Variants in MAML2 observed in about 807,000 individuals in gnomAD.
MAML2 encodes the protein mastermind like transcriptional coactivator 2.
A neutral mutation model predicts 96.1 loss-of-function variants in MAML2; 22 were observed. The ratio of observed to expected loss-of-function variants is 0.23; its 90% confidence interval spans 0.16 to 0.33. MAML2 has a LOEUF of 0.33. Ranked by LOEUF, MAML2 falls within the 10% of genes least tolerant of loss-of-function variation. The pLI, the probability that MAML2 is intolerant of heterozygous loss-of-function variation, is 1.00. For synonymous variants in MAML2, 561 were observed against 521.3 expected (o/e 1.08, Z -1.04); for missense variants, 1,367 against 1,392.4 (o/e 0.98, Z 0.29).
chr11:96,130,182 T>C (rs1402727917), intron 1 of MAML2, among the ~76,000 whole-genome samples: 2 of 152,248 alleles, frequency 1.3e-5, no homozygotes, highest in Admixed American at 1.3e-4. Context: ...TGTTTGGCAC[T>C]TGGACTCCAA....
At chr11:96,020,477 G>A (rs1287363908) in intron 2 of MAML2, among the ~76,000 whole-genome samples, 1 of 152,178 alleles carries the variant, frequency 6.6e-6, no homozygotes, top group Non-Finnish European at 1.5e-5. Flanking sequence ...AAACTTTAAT[G>A]TGCATATGAA....
intron 1 of MAML2, among the ~76,000 whole-genome samples, chr11:96,280,437 T>C (rs530784226): frequency 6.6e-6 from 1 of 152,152 alleles, no homozygotes; most frequent in Non-Finnish European, 1.5e-5. Flanking sequence ...TCTCCTGATC[T>C]GTACAATGTC....
chr11:96,144,999 C>T (rs1218664645), intron 1 of MAML2, among the ~76,000 whole-genome samples: 2 of 152,072 alleles, frequency 1.3e-5, no homozygotes, highest in African/African-American at 2.4e-5. Flanking sequence ...CTTTGTGATC[C>T]ATTAATAATA....
At chr11:96,238,921 T>C (rs1006255649) in intron 1 of MAML2, among the ~76,000 whole-genome samples, 1 of 152,122 alleles carries the variant, frequency 6.6e-6, no homozygotes, top group Non-Finnish European at 1.5e-5. Flanking sequence ...GTTTCAGAAG[T>C]CTGTGGAGAA....
intron 1 of MAML2, among the ~76,000 whole-genome samples, chr11:96,162,558 G>A (rs1229192095): frequency 1.3e-5 from 2 of 151,544 alleles, no homozygotes; most frequent in Non-Finnish European, 2.9e-5. Flanking sequence ...CTAAAAATAC[G>A]AAATTAGCCG....
chr11:96,291,480 T>C (rs1316452474), intron 1 of MAML2, among the ~76,000 whole-genome samples: 1 of 152,166 alleles, frequency 6.6e-6, no homozygotes, highest in Non-Finnish European at 1.5e-5. Flanking sequence ...CTTAGTTATA[T>C]TGTTGGAGTT....
At chr11:96,321,840 T>C (rs1470451050) in intron 1 of MAML2, among the ~76,000 whole-genome samples, 1 of 152,216 alleles carries the variant, frequency 6.6e-6, no homozygotes, top group African/African-American at 2.4e-5. Context: ...CTTCTTCCCT[T>C]CAAATTACCA....
intron 2 of MAML2, among the ~76,000 whole-genome samples, chr11:96,007,926 A>G (rs992912285): frequency 1.3e-5 from 2 of 150,346 alleles, no homozygotes; most frequent in African/African-American, 2.4e-5. Context: ...ACCTAATGCT[A>G]GATGACGAGT....
At chr11:96,112,982 T>G (rs1860156085) in intron 1 of MAML2, among the ~76,000 whole-genome samples, 1 of 152,216 alleles carries the variant, frequency 6.6e-6, no homozygotes, top group South Asian at 2.1e-4. Context: ...TCTCTCTGCA[T>G]TTGAGTCACA....
intron 4 of MAML2, among the ~76,000 whole-genome samples, chr11:95,981,706 T>C (rs1857741201): frequency 6.6e-6 from 1 of 152,120 alleles, no homozygotes; most frequent in South Asian, 2.1e-4. Context: ...TGAAGAGACA[T>C]AACAGCCAGG....
intron 1 of MAML2, among the ~76,000 whole-genome samples, chr11:96,146,044 C>A (rs959069355): frequency 2.6e-5 from 4 of 152,104 alleles, no homozygotes; most frequent in African/African-American, 9.7e-5. Context: ...GTGTGTGTGC[C>A]ACACACAAAC....
chr11:96,259,596 A>G (rs1862720066), intron 1 of MAML2, among the ~76,000 whole-genome samples: 1 of 152,234 alleles, frequency 6.6e-6, no homozygotes, highest in Non-Finnish European at 1.5e-5. Flanking sequence ...AATCCATTGT[A>G]TGCAATAATC....
chr11:96,295,532 T>A (rs575199087), intron 1 of MAML2, among the ~76,000 whole-genome samples: 2 of 152,186 alleles, frequency 1.3e-5, no homozygotes, highest in Admixed American at 1.3e-4. Context: ...TCTGGAATGT[T>A]TCATCCCAAG....
chr11:96,007,887 G>T (rs1204414332), intron 2 of MAML2, among the ~76,000 whole-genome samples: 1 of 109,896 alleles, frequency 9.1e-6, no homozygotes, highest in Non-Finnish European at 1.8e-5. Context: ...GGGGTGGGGG[G>T]AGGGGGGAGG....
At chr11:96,210,241 C>T (rs1861950620) in intron 1 of MAML2, among the ~76,000 whole-genome samples, 1 of 152,138 alleles carries the variant, frequency 6.6e-6, no homozygotes, top group Non-Finnish European at 1.5e-5. Context: ...TCTCAAATAG[C>T]TGGGATTACA....
intron 1 of MAML2, among the ~76,000 whole-genome samples, chr11:96,281,596 A>C (rs1863066759): frequency 6.6e-6 from 1 of 152,166 alleles, no homozygotes; most frequent in African/African-American, 2.4e-5. Context: ...AAATATTAAA[A>C]TATGCCTTTG....
intron 1 of MAML2, among the ~76,000 whole-genome samples, chr11:96,156,971 TC>T: frequency 6.6e-6 from 1 of 152,210 alleles, no homozygotes; most frequent in East Asian, 1.9e-4. Context: ...GGTTTTAAAG[TC>T]CCCAGCCATG....
intron 1 of MAML2, among the ~76,000 whole-genome samples, chr11:96,145,278 T>C (rs1860798579): frequency 2.0e-5 from 3 of 152,180 alleles, no homozygotes; most frequent in Admixed American, 6.5e-5. Context: ...AGCCGCCAAA[T>C]AGCTACCATG....
chr11:96,279,363 C>G (rs1863033702), intron 1 of MAML2, among the ~76,000 whole-genome samples: 1 of 152,186 alleles, frequency 6.6e-6, no homozygotes, highest in South Asian at 2.1e-4. Context: ...CTTCCCATTG[C>G]TGGAGTGGGT....
Sources: gnomAD v4.1 joint callset for allele counts (sites outside exome capture counted in the v4.1 genomes callset) on GRCh38, gnomAD v4.1.1 for gene constraint, MANE v1.5 for transcripts, NCBI Gene and HGNC (gene_info 2026-07-23, HGNC 2026-07-21) for gene names.